Variants in HIP1 observed in about 807,000 individuals in gnomAD.
HIP1 encodes huntingtin interacting protein 1, also known as huntingtin-interacting protein 1.
In HIP1, 65 loss-of-function variants were observed where a neutral mutation model predicts 147.6. The ratio of observed to expected loss-of-function variants is 0.44; its 90% CI spans 0.36 to 0.54. The LOEUF (loss-of-function observed/expected upper bound fraction) is 0.54, where lower values mean the gene tolerates loss of function less well. Among genes scored for constraint, HIP1 ranks in the 20% least tolerant of loss-of-function variants. The pLI is 0.00. For missense variants in HIP1, 1,061 were observed against 1,299.6 expected (o/e 0.82, Z 2.82); for synonymous variants, 479 against 504.0 (o/e 0.95, Z 0.67).
intron 1 of HIP1, among the ~76,000 whole-genome samples, chr7:75,600,155 G>C (rs1554502724): frequency 6.6e-6 from 1 of 151,680 alleles, no homozygotes; most frequent in African/African-American, 2.4e-5. Flanking sequence ...CTGTCGCCCA[G>C]GCTAGAGTGC....
intron 1 of HIP1, among the ~76,000 whole-genome samples, chr7:75,645,373 T>C (rs539805866): frequency 6.6e-6 from 1 of 152,126 alleles, no homozygotes; most frequent in South Asian, 2.1e-4. Flanking sequence ...ATTATAGGCA[T>C]GCACCACCAC....
chr7:75,549,830 C>T (rs923867950), intron 22 of HIP1, among the ~76,000 whole-genome samples: 1 of 126,650 alleles, frequency 7.9e-6, no homozygotes, highest in East Asian at 2.1e-4. Context: ...CCACCAAGCC[C>T]GGATAATTGT....
intron 1 of HIP1, among the ~76,000 whole-genome samples, chr7:75,623,437 G>T (rs1376518552): frequency 1.3e-5 from 2 of 152,160 alleles, no homozygotes; most frequent in African/African-American, 4.8e-5. Context: ...AGAGTGGCAG[G>T]GATGGGAATG....
intron 14 of HIP1, among the ~76,000 whole-genome samples, chr7:75,558,849 T>A (rs1425808822): frequency 7.9e-5 from 12 of 152,160 alleles, no homozygotes; most frequent in African/African-American, 2.9e-4. Flanking sequence ...TGAAACCCCA[T>A]CTCTACTATA....
At chr7:75,602,989 G>A (rs1554503264) in intron 1 of HIP1, among the ~76,000 whole-genome samples, 1 of 151,948 alleles carries the variant, frequency 6.6e-6, no homozygotes, top group Non-Finnish European at 1.5e-5. Flanking sequence ...ATGAGACAGA[G>A]ATGAGTGATG....
chr7:75,689,399 G>A (rs1800369826), intron 1 of HIP1, among the ~76,000 whole-genome samples: 2 of 151,986 alleles, frequency 1.3e-5, no homozygotes, highest in Non-Finnish European at 2.9e-5. Flanking sequence ...AGTTTCTTGG[G>A]AGGCTGAAGG....
Position 75,533,341 on chromosome 7 carries a change from G to A in HIP1, c.*4831C>T, listed in dbSNP as rs1275750313. On this transcript the variant is annotated 3_prime_UTR_variant, in exon 31 of 31. Transcript: ENST00000336926. ...TATTTGAAAAATTGAAAACACAGATGCAATGTATTATACAAAGAAAGGTCT... is the reference window on the plus strand; with the variant it reads ...TATTTGAAAAATTGAAAACACAGATACAATGTATTATACAAAGAAAGGTCT... The A allele has an allele frequency of 1.4e-5, 3 of 217,378 alleles. No individual in the cohort carries two copies. Among genetic ancestry groups the A allele is most frequent in the African/African-American group, 6.8e-5 (3 of 44,368 alleles). 13.5% of individuals were successfully genotyped at this position (217,378 alleles called of 1,614,324 possible).
rs1293970624 is a variant in HIP1 at position 75,556,035 on chromosome 7, G to A, written c.1818C>T (p.Ala606=). ...CATGTCCGTGACTTGCCTCTGTGCT[G>A]GCCAGTTTGAGCTGAGTGTCCTGCA... is the stretch of plus-strand genomic sequence containing the variant. ...KELQDTQLKL[A]STEESMCQLA... is the part of the protein sequence containing the mutation. Residue 606 remains alanine, a synonymous_variant, in exon 18 of 31, where the codon GCC becomes GCT. Coordinates refer to ENST00000336926, the MANE Select transcript of HIP1 (RefSeq NM_005338.7). 6.2e-7 allele frequency: 1 copy of A among 1,613,990 alleles called. No homozygotes were observed. The highest frequency in any genetic ancestry group is 1.3e-5 in the African/African-American group (1 of 74,942).
At chr7:75,633,846 C>A (rs587735056) in intron 1 of HIP1, among the ~76,000 whole-genome samples, 25 of 152,328 alleles carry the variant, frequency 1.6e-4, no homozygotes, top group Admixed American at 1.5e-3. Flanking sequence ...TTACTCAGAA[C>A]ATCTGAAATA....
At chr7:75,544,040 C>T (rs770883366) in intron 27 of HIP1, among the ~76,000 whole-genome samples, 111 of 152,164 alleles carry the variant, frequency 7.3e-4, no homozygotes, top group Middle Eastern at 3.4e-3. Flanking sequence ...GGCGTGGTGG[C>T]ACGTGTCTGT....
At position 75,536,776 on chromosome 7, in the gene HIP1, G is replaced by A; in HGVS notation, c.*1396C>T. The stretch of plus-strand genomic sequence containing the variant: ...AGTCCAGCACCTTGGCCTTTCTTCT[G>A]ATTCTTGAAGGCTGATGTAGCCGGG... On this transcript the variant is annotated 3_prime_UTR_variant, in exon 31 of 31. Coordinates refer to ENST00000336926, the MANE Select transcript of HIP1 (RefSeq NM_005338.7). 4.4e-6 allele frequency: 1 copy of A among 229,726 alleles called. No homozygotes were observed. The highest frequency in any genetic ancestry group is 6.2e-5 in the East Asian group (1 of 16,140). 14.2% of individuals were successfully genotyped at this position (229,726 alleles called of 1,614,324 possible).
At chr7:75,595,240 C>A (rs1342784321) in intron 2 of HIP1, among the ~76,000 whole-genome samples, 1 of 115,998 alleles carries the variant, frequency 8.6e-6, no homozygotes, top group Non-Finnish European at 1.7e-5. Context: ...TTCTTTCTTT[C>A]TTTCTTTCTT....
intron 1 of HIP1, among the ~76,000 whole-genome samples, chr7:75,661,378 G>A (rs1354410367): frequency 2.6e-5 from 4 of 151,410 alleles, no homozygotes; most frequent in Non-Finnish European, 5.9e-5. Context: ...CTTGAGACCA[G>A]CCTGGCCAAC....
intron 1 of HIP1, among the ~76,000 whole-genome samples, chr7:75,680,059 T>C (rs144987184): frequency 6.6e-6 from 1 of 152,328 alleles, no homozygotes; most frequent in East Asian, 1.9e-4. Context: ...CATTCATTCA[T>C]TGAGACAGAG....
intron 1 of HIP1, among the ~76,000 whole-genome samples, chr7:75,600,087 A>C (rs1405946453): frequency 6.7e-6 from 1 of 149,556 alleles, no homozygotes; most frequent in African/African-American, 2.5e-5. Context: ...TGATTTGCGA[A>C]CCCCAAAGTT....
In HIP1 at chr7:75,738,725, A is replaced by G. The variant is rs532482398; in HGVS notation, c.120+76T>C. On this transcript the variant is annotated intron_variant, in intron 1 of 30. Coordinates refer to ENST00000336926, the MANE Select transcript of HIP1 (RefSeq NM_005338.7). ...TTCAACTGGGGCCTGCAAGACTCCT[A>G]CTCCCTTCAAAGCCCCTCCCGGACA... 2.1e-5 allele frequency: 32 copies of G among 1,507,488 alleles called. No individual in the cohort carries two copies. The East Asian group carries it at 6.4e-4, about 30-fold the overall frequency. The allele number at this position is 1,507,488 out of a possible 1,614,324, so 93.4% of individuals were successfully genotyped here.
At chr7:75,671,620 AT>A (rs1280481524) in intron 1 of HIP1, among the ~76,000 whole-genome samples, 2 of 151,994 alleles carry the variant, frequency 1.3e-5, no homozygotes, top group Non-Finnish European at 2.9e-5. Flanking sequence ...TCTATTTTTA[AT>A]TTTTTGAGGA....
intron 1 of HIP1, among the ~76,000 whole-genome samples, chr7:75,633,901 T>A (rs1798329718): frequency 6.6e-6 from 1 of 152,100 alleles, no homozygotes; most frequent in Non-Finnish European, 1.5e-5. Context: ...AAGTCAGGTG[T>A]CTCAAATTTG....
At chr7:75,717,690 A>G (rs1801364839) in intron 1 of HIP1, among the ~76,000 whole-genome samples, 1 of 150,332 alleles carries the variant, frequency 6.7e-6, no homozygotes. Context: ...AAAAAAAAAG[A>G]CCAGGCGCGG....
Sources: gnomAD v4.1 joint callset for allele counts (sites outside exome capture counted in the v4.1 genomes callset) on GRCh38, gnomAD v4.1.1 for gene constraint, MANE v1.5 for transcripts, NCBI Gene and HGNC (gene_info 2026-07-23, HGNC 2026-07-21) for gene names.